The following CRIM1 variants were observed in gnomAD, a reference collection of about 807,000 sequenced individuals.
The protein encoded by CRIM1 is cysteine rich transmembrane BMP regulator 1.
Under a neutral mutation model 116.4 loss-of-function variants are expected in CRIM1, and 32 were observed. The observed-to-expected ratio is 0.27, with a 90% CI of 0.21 to 0.37. The LOEUF is 0.37. Ranked by LOEUF, CRIM1 falls within the 10% of genes least tolerant of loss-of-function variation. The pLI, the probability that CRIM1 is intolerant of heterozygous loss-of-function variation, is 1.00. For missense variants in CRIM1, 1,331 were observed against 1,354.8 expected, an observed-to-expected ratio of 0.98 and a Z score of 0.28; for synonymous variants, 590 against 509.2, an observed-to-expected ratio of 1.16 and a Z score of -2.13.
chr2:36,360,876 T>A (rs1669181487), intron 1 of CRIM1, among the ~76,000 whole-genome samples: 1 of 152,088 alleles, frequency 6.6e-6, no homozygotes, highest in Non-Finnish European at 1.5e-5. Flanking sequence ...CTTGGCTTTG[T>A]TTTGGAATAA....
At chr2:36,391,797 C>CAACATAAAAAAAAAAAAAA (rs1671628371) in intron 1 of CRIM1, among the ~76,000 whole-genome samples, 1 of 120,784 alleles carries the variant, frequency 8.3e-6, no homozygotes, top group African/African-American at 3.1e-5. Context: ...ACTAATGGTG[C>CAACATAAAAAAAAAAAAAA]AAAAAAAAAA....
At chr2:36,500,589 T>C (rs7574845) in intron 8 of CRIM1, among the ~76,000 whole-genome samples, 8,223 of 152,262 alleles carry the variant, frequency 0.054, 718 homozygotes, top group African/African-American at 0.19. Flanking sequence ...TAAACCATTT[T>C]CTAACTAGTT....
At chr2:36,469,702 A>T (rs1678339153) in intron 5 of CRIM1, among the ~76,000 whole-genome samples, 1 of 152,186 alleles carries the variant, frequency 6.6e-6, no homozygotes, top group African/African-American at 2.4e-5. Context: ...TATAGCAATT[A>T]TGCTCATAAT....
chr2:36,358,603 C>T (rs559904115), intron 1 of CRIM1, among the ~76,000 whole-genome samples: 1 of 152,176 alleles, frequency 6.6e-6, no homozygotes, highest in South Asian at 2.1e-4. Context: ...TGTGATCCCT[C>T]ATAGCTTCCT....
In CRIM1 at chr2:36,513,479, G is replaced by A. The variant is rs1664825794; in HGVS notation, c.1781-77G>A. The A allele has an allele frequency of 3.4e-6, 4 of 1,171,576 alleles. No individual in the cohort carries two copies. The East Asian group carries it at 9.4e-5, about 27-fold the overall frequency. The allele number at this position is 1,171,576 out of a possible 1,614,324, so 72.6% of individuals were successfully genotyped here. ...CGTAATTGTTGGTGGCTGGGGTCCAGTCCATGTACAGACTCTGTAGCCTGT... is the reference window on the plus strand; with the variant it reads ...CGTAATTGTTGGTGGCTGGGGTCCAATCCATGTACAGACTCTGTAGCCTGT... On this transcript the variant is annotated intron_variant, in intron 10 of 16. Coordinates refer to ENST00000280527, the MANE Select transcript of CRIM1 (RefSeq NM_016441.3).
intron 4 of CRIM1, among the ~76,000 whole-genome samples, chr2:36,443,768 T>G (rs1465171563): frequency 7.2e-5 from 11 of 152,228 alleles, no homozygotes; most frequent in Admixed American, 7.2e-4. Flanking sequence ...ATCCAGAATT[T>G]GTTCTGATAA....
At chr2:36,395,272 G>T (rs1057327707) in intron 1 of CRIM1, among the ~76,000 whole-genome samples, 1 of 152,036 alleles carries the variant, frequency 6.6e-6, no homozygotes, top group Non-Finnish European at 1.5e-5. Context: ...AAAACGCTGG[G>T]ATTACAGGCA....
chr2:36,441,215 A>T (rs1411235230), intron 2 of CRIM1, 43 bp from the exon 3 acceptor site: 1 of 1,611,424 alleles, frequency 6.2e-7, no homozygotes, highest in Non-Finnish European at 8.5e-7. Context: ...AAAGTGCCCC[A>T]CACTGCCCTG....
chr2:36,385,885 G>A (rs1463132480), intron 1 of CRIM1, among the ~76,000 whole-genome samples: 1 of 152,202 alleles, frequency 6.6e-6, no homozygotes, highest in Non-Finnish European at 1.5e-5. Flanking sequence ...CATAGAAAGT[G>A]CTCAGTGAGT....
intron 8 of CRIM1, among the ~76,000 whole-genome samples, chr2:36,504,022 ACCACACCCAGC>A (rs1681204104): frequency 6.6e-6 from 1 of 152,018 alleles, no homozygotes. Flanking sequence ...AGGCACTGCC[ACCACACCCAGC>A]TCATTTTTTT....
In CRIM1 at chr2:36,441,532, TC is replaced by T. The variant is rs536652801; in HGVS notation, c.748+34del. 842 of 1,599,588 alleles carry T rather than the reference TC, an allele frequency of 5.3e-4. 6 individuals are homozygous for T. In the African/African-American group the frequency reaches 0.01, roughly 20 times the overall value. ...ACGAGCTCTGTCTCAGCAGCCTTGTTCCTTTGCATCAGAGGGTAGCAGATCC... is the reference window on the plus strand; with the variant it reads ...ACGAGCTCTGTCTCAGCAGCCTTGTTCTTTGCATCAGAGGGTAGCAGATCC... On this transcript the variant is annotated intron_variant, in intron 3 of 16. Transcript: ENST00000280527.
intron 7 of CRIM1, among the ~76,000 whole-genome samples, chr2:36,480,026 C>G (rs952062224): frequency 1.3e-5 from 2 of 152,242 alleles, no homozygotes; most frequent in South Asian, 2.1e-4. Context: ...AAAATGAGAC[C>G]GATGAGTCAA....
chr2:36,371,458 C>G (rs1488380173), intron 1 of CRIM1, among the ~76,000 whole-genome samples: 2 of 152,086 alleles, frequency 1.3e-5, no homozygotes, highest in African/African-American at 2.4e-5. Flanking sequence ...TCAAGGTCAT[C>G]CAAGATATTA....
At chr2:36,433,510 G>A (rs917431225) in intron 2 of CRIM1, among the ~76,000 whole-genome samples, 2 of 152,160 alleles carry the variant, frequency 1.3e-5, no homozygotes, top group Non-Finnish European at 2.9e-5. Context: ...ACTGTCAATA[G>A]GGAGCTTCAT....
In CRIM1 at chr2:36,511,099, G is replaced by A. The variant is rs577851905; in HGVS notation, c.1658+960G>A. Among the ~76,000 whole-genome samples, 6 of 151,914 alleles carry A rather than the reference G, an allele frequency of 3.9e-5. No homozygotes were observed. The South Asian group carries it at 1.2e-3, about 32-fold the overall frequency. On this transcript the variant is annotated intron_variant, in intron 9 of 16. Transcript: ENST00000280527. Reference sequence around the variant, plus strand: ...TGGGACTAGAGGCATGCGCCACCATGCCCAACTAATTTTTGTATTTTTTGG... The same window carrying A: ...TGGGACTAGAGGCATGCGCCACCATACCCAACTAATTTTTGTATTTTTTGG...
chr2:36,406,023 T>C (rs1672755186), intron 2 of CRIM1, among the ~76,000 whole-genome samples: 2 of 152,232 alleles, frequency 1.3e-5, no homozygotes, highest in Admixed American at 1.3e-4. Flanking sequence ...TTTATGTCTA[T>C]GGATTTTTTT....
intron 8 of CRIM1, among the ~76,000 whole-genome samples, chr2:36,507,004 C>T (rs1306141391): frequency 6.6e-6 from 1 of 152,062 alleles, no homozygotes. Context: ...GGATTACATT[C>T]ACTCACCACC....
At chr2:36,528,668 C>T (rs1665918298) in intron 13 of CRIM1, among the ~76,000 whole-genome samples, 2 of 152,088 alleles carry the variant, frequency 1.3e-5, no homozygotes, top group Admixed American at 6.5e-5. Context: ...CACGGAGGCC[C>T]AGGTTGTCAC....
chr2:36,543,244 C>A (rs79477199), intron 14 of CRIM1, among the ~76,000 whole-genome samples: 1 of 152,114 alleles, frequency 6.6e-6, no homozygotes, highest in Non-Finnish European at 1.5e-5. Context: ...GGGTTTCTTT[C>A]CCTGGCTGGG....
Sources: allele counts gnomAD v4.1 joint callset (sites outside exome capture counted in the v4.1 genomes callset), GRCh38; gene constraint gnomAD v4.1.1; transcripts MANE v1.5; gene names NCBI Gene and HGNC (gene_info 2026-07-23, HGNC 2026-07-21).